The following HECW1 variants were observed in gnomAD, a reference collection of about 807,000 sequenced individuals.
The protein encoded by HECW1 is HECT, C2 and WW domain containing E3 ubiquitin protein ligase 1.
A neutral mutation model predicts 182.3 loss-of-function variants in HECW1; 61 were observed. The observed-to-expected ratio is 0.33, with a 90% CI of 0.27 to 0.41. The LOEUF (loss-of-function observed/expected upper bound fraction) is 0.41, where lower values mean the gene tolerates loss of function less well. Ranked by LOEUF, HECW1 falls within the 10% of genes least tolerant of loss-of-function variation. The pLI is 1.00. For missense variants in HECW1, 1,739 were observed against 2,108.9 expected (o/e 0.82, Z 3.44); for synonymous variants, 859 against 832.6 (o/e 1.03, Z -0.55).
At chr7:43,150,933 C>G (rs1789249690) in intron 2 of HECW1, 1 of 155,040 alleles carries the variant, frequency 6.4e-6, no homozygotes, top group Non-Finnish European at 1.5e-5. Flanking sequence ...CCAGGCTTCA[C>G]TTGGCGTGGA....
At chr7:43,253,837 G>A (rs1015210193) in intron 3 of HECW1, among the ~76,000 whole-genome samples, 1 of 152,148 alleles carries the variant, frequency 6.6e-6, no homozygotes, top group South Asian at 2.1e-4. Context: ...GAACCTGGAA[G>A]GCAGAGGTTG....
At position 43,299,258 on chromosome 7, in the gene HECW1, T is replaced by C. The variant is rs536426034; in HGVS notation, c.28-12505T>C. Among the ~76,000 whole-genome samples the C allele has an allele frequency of 5.9e-4, 90 of 152,324 alleles. 1 individual carries two copies. The South Asian group carries it at 0.018, about 31-fold the overall frequency. On this transcript the variant is annotated intron_variant, in intron 3 of 29. Transcript: ENST00000395891. Reference sequence around the variant, plus strand: ...TTAATGTGAACCTATACTACACTGTTGAGCAAAGATTCCACGAGGCCGGAA... The same window carrying C: ...TTAATGTGAACCTATACTACACTGTCGAGCAAAGATTCCACGAGGCCGGAA...
chr7:43,131,758 G>A (rs958150475), intron 2 of HECW1, among the ~76,000 whole-genome samples: 3 of 152,196 alleles, frequency 2.0e-5, no homozygotes, highest in Non-Finnish European at 1.5e-5. Flanking sequence ...AAAGGAAGAG[G>A]GATACTGGAG....
Position 43,456,298 on chromosome 7 carries a change from C to T in HECW1, c.2502C>T (p.Asn834=), listed in dbSNP as rs142991713. The T allele has an allele frequency of 4.3e-6, 7 of 1,611,042 alleles. No homozygotes were observed. Among genetic ancestry groups the T allele is most frequent in the Middle Eastern group, 1.7e-4 (1 of 6,042 alleles). The change falls in exon 13 of 30, where the codon AAC becomes AAT. Residue 834 remains asparagine, a splice_region_variant and synonymous_variant. Coordinates refer to ENST00000395891, the MANE Select transcript of HECW1 (RefSeq NM_015052.5). The stretch of plus-strand genomic sequence containing the variant: ...TTTTGCCTTTTTATTAAACACTAGA[C>T]TGGGAAGCTCGAATTGACAGCCACG... ...YPTIDEPLPP[N]WEARIDSHGR...
At chr7:43,347,664 C>T (rs1171430839) in intron 5 of HECW1, among the ~76,000 whole-genome samples, 1 of 152,058 alleles carries the variant, frequency 6.6e-6, no homozygotes, top group Non-Finnish European at 1.5e-5. Context: ...GTGGGTTTGT[C>T]ATAGATGGCT....
intron 8 of HECW1, among the ~76,000 whole-genome samples, chr7:43,427,178 A>G (rs1452123227): frequency 6.6e-6 from 1 of 152,184 alleles, no homozygotes; most frequent in African/African-American, 2.4e-5. Context: ...CAGTACTTTG[A>G]TGTATAACTA....
intron 7 of HECW1, among the ~76,000 whole-genome samples, chr7:43,402,282 A>G (rs1458567619): frequency 2.6e-5 from 4 of 152,208 alleles, no homozygotes; most frequent in Non-Finnish European, 5.9e-5. Flanking sequence ...CTGGGGCTCC[A>G]GGAGTCACAG....
At chr7:43,143,188 C>A (rs1025845725) in intron 2 of HECW1, among the ~76,000 whole-genome samples, 3 of 152,132 alleles carry the variant, frequency 2.0e-5, no homozygotes, top group African/African-American at 7.2e-5. Context: ...CCAGACTGGT[C>A]GTGAACTCCT....
intron 2 of HECW1, among the ~76,000 whole-genome samples, chr7:43,116,439 G>A (rs1008841540): frequency 2.6e-5 from 4 of 152,154 alleles, no homozygotes; most frequent in African/African-American, 7.2e-5. Context: ...TGATGGACAC[G>A]TCTAGGGAAT....
At position 43,232,850 on chromosome 7, in the gene HECW1, A is replaced by G. The variant is rs188848481; in HGVS notation, c.-31-11025A>G. Among the ~76,000 whole-genome samples the G allele has an allele frequency of 1.9e-4, 29 of 152,346 alleles. No homozygotes were observed. In the East Asian group the frequency reaches 3.9e-3, roughly 20 times the overall value. ...GAAGTCTCTATCTTTAGGATAGCCAATAATCGTCCTTTAACCCATGTGCCT... is the reference window on the plus strand; with the variant it reads ...GAAGTCTCTATCTTTAGGATAGCCAGTAATCGTCCTTTAACCCATGTGCCT... On this transcript the variant is annotated intron_variant, in intron 2 of 29. Transcript: ENST00000395891.
In HECW1 at chr7:43,500,716, T is replaced by C; in HGVS notation, c.3455T>C (p.Ile1152Thr). 6.2e-7 allele frequency: 1 copy of C among 1,613,744 alleles called. No individual in the cohort carries two copies. The highest frequency in any genetic ancestry group is 8.5e-7 in the Non-Finnish European group (1 of 1,179,670). ...NHTLREKIHYIRTEGNHGLEK... is the reference protein window; with the variant it reads ...NHTLREKIHYTRTEGNHGLEK... ...TGATTCAGGGAGAAAATCCATTACA[T>C]TCGGACTGAGGGTAATCACGGGCTT... Residue 1152 changes from isoleucine to threonine, a missense_variant, in exon 20 of 30, where the codon ATT becomes ACT. Physicochemically the swap from Ile to Thr is moderately conservative, Grantham distance 89. Coordinates refer to ENST00000395891, the MANE Select transcript of HECW1 (RefSeq NM_015052.5).
intron 16 of HECW1, among the ~76,000 whole-genome samples, chr7:43,469,418 G>T (rs1318142492): frequency 6.6e-6 from 1 of 152,126 alleles, no homozygotes; most frequent in Admixed American, 6.5e-5. Flanking sequence ...TTAAATTTAG[G>T]TTTGGAATGT....
In HECW1 at chr7:43,550,491, C is replaced by T. The variant is rs773228292; in HGVS notation, c.4295C>T (p.Thr1432Met). The T allele has an allele frequency of 3.1e-6, 5 of 1,613,914 alleles. No individual in the cohort carries two copies. The highest frequency in any genetic ancestry group is 2.2e-5 in the East Asian group (1 of 44,888). ...TCTGGAGGAGCCAACACACAGGTGA[C>T]GGAGAAAAACAAGAAGGAGTACATC... ...LKSGGANTQV[T>M]EKNKKEYIER... The change falls in exon 27 of 30, where the codon ACG (threonine) becomes ATG (methionine). Residue 1432 changes from threonine (T) to methionine (M), a missense_variant. Thr to Met is a moderately conservative substitution (Grantham distance 81, BLOSUM62 -1). This residue lies in a region of HECW1 where 420 missense variants were observed against 595.7 expected (regional missense o/e 0.71). Coordinates refer to ENST00000395891, the MANE Select transcript of HECW1 (RefSeq NM_015052.5).
chr7:43,274,071 G>A (rs1275717090), intron 3 of HECW1: 4 of 336,412 alleles, frequency 1.2e-5, no homozygotes, highest in South Asian at 1.2e-4. Flanking sequence ...GGCTGGTCTC[G>A]AACTCCTGAC....
intron 3 of HECW1, among the ~76,000 whole-genome samples, chr7:43,280,239 C>T (rs1411846944): frequency 6.6e-6 from 1 of 152,148 alleles, no homozygotes; most frequent in Admixed American, 6.5e-5. Flanking sequence ...TTGGTTTAAT[C>T]CAAGATCCTC....
chr7:43,198,028 AC>A (rs1794630044), intron 2 of HECW1, among the ~76,000 whole-genome samples: 1 of 151,326 alleles, frequency 6.6e-6, no homozygotes, highest in South Asian at 2.1e-4. Flanking sequence ...CACTCCAACA[AC>A]CTACACATAC....
intron 3 of HECW1, among the ~76,000 whole-genome samples, chr7:43,246,279 C>T (rs67487907): frequency 2.0e-5 from 3 of 151,744 alleles, no homozygotes; most frequent in Non-Finnish European, 2.9e-5. Flanking sequence ...TTCCAGCCTG[C>T]GTGACGTAGC....
intron 5 of HECW1, among the ~76,000 whole-genome samples, chr7:43,357,243 A>C (rs77455645): frequency 0.013 from 1,961 of 152,326 alleles, 45 homozygotes; most frequent in African/African-American, 0.045. Context: ...AAAAGAAAGG[A>C]AATCAATATA....
chr7:43,334,051 C>A (rs1811821399), intron 5 of HECW1, among the ~76,000 whole-genome samples: 1 of 152,218 alleles, frequency 6.6e-6, no homozygotes, highest in Non-Finnish European at 1.5e-5. Context: ...CGTTATACCT[C>A]TCTCTTTTAA....
Sources: allele counts gnomAD v4.1 joint callset (sites outside exome capture counted in the v4.1 genomes callset), GRCh38; gene constraint gnomAD v4.1.1; regional missense constraint gnomAD v4.1.1; transcripts MANE v1.5; gene names NCBI Gene and HGNC (gene_info 2026-07-23, HGNC 2026-07-21).